DTNA: variants seen among roughly 807,000 people sequenced by gnomAD.
DTNA encodes dystrophin-related protein 3.
A neutral mutation model predicts 100.7 loss-of-function variants in DTNA; 43 were observed. The ratio of observed to expected loss-of-function variants is 0.43; its 90% CI spans 0.33 to 0.55. The LOEUF (loss-of-function observed/expected upper bound fraction) is 0.55, where lower values mean the gene tolerates loss of function less well. Ranked by LOEUF, DTNA falls within the 20% of genes least tolerant of loss-of-function variation. DTNA has a pLI of 0.04. For missense variants in DTNA, 798 were observed against 953.9 expected (o/e 0.84, Z 2.15); for synonymous variants, 349 against 347.9 (o/e 1.00, Z -0.04).
intron 1 of DTNA, among the ~76,000 whole-genome samples, chr18:34,736,367 A>G (rs1179647525): frequency 6.6e-6 from 1 of 152,240 alleles, no homozygotes; most frequent in Non-Finnish European, 1.5e-5. Flanking sequence ...CATAATTAAT[A>G]TGAATAAATC....
chr18:34,856,095 AAAG>A (rs2096549156), intron 15 of DTNA, among the ~76,000 whole-genome samples: 2 of 152,134 alleles, frequency 1.3e-5, no homozygotes, highest in Admixed American at 1.3e-4. Flanking sequence ...AGAGAGGAAA[AAAG>A]AAATAGGAGT....
At chr18:34,717,067 C>A (rs538244370) in intron 1 of DTNA, among the ~76,000 whole-genome samples, 1 of 152,214 alleles carries the variant, frequency 6.6e-6, no homozygotes, top group South Asian at 2.1e-4. Context: ...AATAACTGGG[C>A]CACACCTACA....
intron 1 of DTNA, chr18:34,574,489 T>C (rs1162838333): frequency 6.6e-6 from 1 of 152,448 alleles, no homozygotes; most frequent in Non-Finnish European, 1.5e-5. Flanking sequence ...TTTGTCCTTC[T>C]TAGAGTCACA....
At chr18:34,498,481 A>AATT (rs1555783674) in intron 1 of DTNA, among the ~76,000 whole-genome samples, 19 of 146,230 alleles carry the variant, frequency 1.3e-4, no homozygotes, top group South Asian at 8.5e-4. Context: ...TAATAATAAT[A>AATT]ATTTAATCAC....
chr18:34,604,130 A>G (rs2147273271), intron 1 of DTNA, among the ~76,000 whole-genome samples: 1 of 152,266 alleles, frequency 6.6e-6, no homozygotes, highest in South Asian at 2.1e-4. Context: ...AGAAAATCCT[A>G]GATATAAGGT....
intron 1 of DTNA, among the ~76,000 whole-genome samples, chr18:34,520,036 T>C (rs561746615): frequency 5.1e-4 from 78 of 152,328 alleles, no homozygotes; most frequent in African/African-American, 1.9e-3. Context: ...AAATGTTCTT[T>C]GAGGTACAGT....
intron 3 of DTNA, among the ~76,000 whole-genome samples, chr18:34,773,630 A>G (rs374229941): frequency 1.4e-3 from 219 of 152,328 alleles, no homozygotes; most frequent in South Asian, 3.9e-3. Context: ...ATTGTGCTAG[A>G]ATGCAACGTT....
At chr18:34,851,742 CCTT>C (rs2096482306) in intron 14 of DTNA, 86 bp from the exon 15 acceptor site, 20 of 1,335,132 alleles carry the variant, frequency 1.5e-5, no homozygotes, top group Non-Finnish European at 2.0e-5. Context: ...ATTCCCTCCT[CCTT>C]GTCTGCATAT....
chr18:34,567,682 T>TA (rs1260846465), intron 1 of DTNA, among the ~76,000 whole-genome samples: 2 of 151,712 alleles, frequency 1.3e-5, no homozygotes, highest in East Asian at 1.9e-4. Context: ...TTATAGATCT[T>TA]AAAAAAAAAT....
At chr18:34,497,285 G>A (rs762984441) in intron 1 of DTNA, among the ~76,000 whole-genome samples, 1 of 152,176 alleles carries the variant, frequency 6.6e-6, no homozygotes, top group Non-Finnish European at 1.5e-5. Flanking sequence ...AGGCTTCATA[G>A]TGATGGAGAT....
At chr18:34,873,674 G>T (rs147014160) in intron 17 of DTNA, among the ~76,000 whole-genome samples, 1 of 152,334 alleles carries the variant, frequency 6.6e-6, no homozygotes, top group African/African-American at 2.4e-5. Context: ...GTCATGGAGA[G>T]AAATCAGTGA....
chr18:34,537,973 C>T (rs548927932), intron 1 of DTNA, among the ~76,000 whole-genome samples: 20 of 151,780 alleles, frequency 1.3e-4, no homozygotes, highest in Non-Finnish European at 2.8e-4. Context: ...GGAAAGGCAA[C>T]GTGAAGCAAC....
chr18:34,707,936 T>C (rs11663468), upstream of DTNA, among the ~76,000 whole-genome samples: 14,489 of 152,244 alleles, frequency 0.095, 715 homozygotes, highest in South Asian at 0.11. Flanking sequence ...GTGCCAAAGC[T>C]ATTTTAATCA....
intron 7 of DTNA, among the ~76,000 whole-genome samples, chr18:34,817,171 A>T (rs1200117239): frequency 6.6e-6 from 1 of 152,060 alleles, no homozygotes; most frequent in Non-Finnish European, 1.5e-5. Flanking sequence ...TTGAAGTCCC[A>T]CTCTAGTCTT....
Position 34,593,024 on chromosome 18 carries a change from T to C in DTNA, c.-2+99510T>C, listed in dbSNP as rs576513881. Among the ~76,000 whole-genome samples the C allele has an allele frequency of 1.6e-4, 25 of 152,298 alleles. No individual in the cohort carries two copies. The East Asian group carries it at 4.2e-3, about 26-fold the overall frequency. Reference sequence around the variant, plus strand: ...AACATTCTTTTTCAGGCAGCCAAGTTTGGAAGTCAGTTGGTTTCTGGCAGT... The same window carrying C: ...AACATTCTTTTTCAGGCAGCCAAGTCTGGAAGTCAGTTGGTTTCTGGCAGT... On this transcript the variant is annotated intron_variant, in intron 1 of 19. Transcript: ENST00000283365.
chr18:34,620,560 T>G (rs1424812858), intron 1 of DTNA, among the ~76,000 whole-genome samples: 2 of 152,166 alleles, frequency 1.3e-5, no homozygotes, highest in Non-Finnish European at 2.9e-5. Context: ...TGGCTCACAG[T>G]TCTGCAGGCT....
Position 34,619,226 on chromosome 18 carries a change from T to A in DTNA, c.-2+125712T>A, listed in dbSNP as rs2055965852. ...TGGTACAGAATAAGACTGGGCACAT[T>A]GGGGGAAGCATCATAAAAGGTCTTT... On this transcript the variant is annotated intron_variant, in intron 1 of 19. Transcript: ENST00000283365. 2.0e-5 allele frequency among the ~76,000 whole-genome samples: 3 copies of A among 152,104 alleles called. 1 individual carries two copies. The South Asian group carries it at 6.2e-4, about 32-fold the overall frequency.
chr18:34,689,445 C>T (rs935718920), intron 1 of DTNA, among the ~76,000 whole-genome samples: 14 of 152,138 alleles, frequency 9.2e-5, no homozygotes, highest in Admixed American at 3.9e-4. Context: ...CCACTCCAGA[C>T]CCTGTTTTCC....
intron 1 of DTNA, among the ~76,000 whole-genome samples, chr18:34,745,402 A>T (rs1482848878): frequency 6.6e-6 from 1 of 151,396 alleles, no homozygotes; most frequent in African/African-American, 2.5e-5. Context: ...TTCTCAACAC[A>T]TTAGAATTGG....
Sources: gnomAD v4.1 joint callset for allele counts (sites outside exome capture counted in the v4.1 genomes callset) on GRCh38, gnomAD v4.1.1 for gene constraint, MANE v1.5 for transcripts, NCBI Gene and HGNC (gene_info 2026-07-23, HGNC 2026-07-21) for gene names.